The following FAM153A variants were observed in gnomAD, a reference collection of about 807,000 sequenced individuals.
The protein encoded by FAM153A is protein FAM153A.
FAM153A carries 12 observed loss-of-function variants against 48.1 expected under a neutral mutation model. The ratio of observed to expected loss-of-function variants is 0.25; its 90% CI spans 0.16 to 0.40. FAM153A has a LOEUF of 0.40. Ranked by LOEUF, FAM153A falls within the 10% of genes least tolerant of loss-of-function variation. The pLI is 1.00. For missense variants in FAM153A, 111 were observed against 345.8 expected (o/e 0.32, Z 5.38); for synonymous variants, 36 against 118.2 (o/e 0.30, Z 4.51).
intron 1 of FAM153A, among the ~76,000 whole-genome samples, chr5:177,759,027 G>A (rs1406397559): frequency 6.6e-6 from 1 of 151,800 alleles, no homozygotes; most frequent in East Asian, 1.9e-4. Flanking sequence ...TACCATCAGA[G>A]TGAACAGGGA....
intron 1 of FAM153A, among the ~76,000 whole-genome samples, chr5:177,759,896 A>G (rs1276223962): frequency 5.9e-5 from 9 of 151,792 alleles, no homozygotes; most frequent in African/African-American, 1.9e-4. Flanking sequence ...TGGCACATGT[A>G]TACATATGTA....
intron 10 of FAM153A, among the ~76,000 whole-genome samples, chr5:177,737,488 C>T (rs1448756965): frequency 6.6e-6 from 1 of 151,084 alleles, no homozygotes; most frequent in East Asian, 1.9e-4. Context: ...TCCACATGTC[C>T]TGCTGCTGTG....
chr5:177,705,758 C>G (rs1757829762), downstream of FAM153A, among the ~76,000 whole-genome samples: 1 of 141,752 alleles, frequency 7.1e-6, no homozygotes, highest in Non-Finnish European at 1.5e-5. Context: ...TTCCTGGGTT[C>G]AAGCCATTCT....
chr5:177,717,101 TA>T (rs1441489675), intron 24 of FAM153A: 1 of 148,902 alleles, frequency 6.7e-6, no homozygotes, highest in Non-Finnish European at 1.5e-5. Flanking sequence ...AAAGAAATTA[TA>T]TTTTAAAAGT....
upstream of FAM153A, among the ~76,000 whole-genome samples, chr5:177,755,613 C>T (rs888900902): frequency 6.6e-6 from 1 of 151,756 alleles, no homozygotes; most frequent in African/African-American, 2.4e-5. Context: ...CAAAGGGAAG[C>T]CCATCAGACT....
chr5:177,736,363 C>T (rs1716807034), intron 12 of FAM153A, among the ~76,000 whole-genome samples: 1 of 148,922 alleles, frequency 6.7e-6, no homozygotes, highest in South Asian at 2.1e-4. Context: ...ATGTACCACC[C>T]CACCTTAGAT....
At chr5:177,752,967 G>A (rs1341800165) in intron 1 of FAM153A, among the ~76,000 whole-genome samples, 2 of 145,850 alleles carry the variant, frequency 1.4e-5, no homozygotes, top group African/African-American at 5.2e-5. Context: ...TGGAAACAGT[G>A]TATTTTCTAG....
chr5:177,750,833 TTGTC>T, intron 2 of FAM153A: 1 of 542,450 alleles, frequency 1.8e-6, no homozygotes, highest in Non-Finnish European at 3.1e-6. Flanking sequence ...AATTTTATAA[TTGTC>T]TGAAATATGA....
chr5:177,728,949 G>T (rs554868199), intron 18 of FAM153A, 74 bp downstream of exon 20: 1 of 474,526 alleles, frequency 2.1e-6, no homozygotes, highest in Admixed American at 3.9e-5. Flanking sequence ...TTGAGCAAAA[G>T]CAGGTGAAGC....
chr5:177,712,407 G>C (rs2127554725), exon 27 of FAM153A: 1 of 151,888 alleles, frequency 6.6e-6, no homozygotes, highest in South Asian at 2.1e-4. Context: ...AGGAGGCGGA[G>C]GTTGCAGTGA....
intron 1 of FAM153A, among the ~76,000 whole-genome samples, chr5:177,780,245 T>A (rs1268105210): frequency 2.0e-5 from 1 of 49,620 alleles, no homozygotes; most frequent in Non-Finnish European, 4.0e-5. Context: ...ACTACCTTCT[T>A]AAATAACTCT....
chr5:177,707,433 T>C (rs1561846661), downstream of FAM153A, among the ~76,000 whole-genome samples: 1 of 151,668 alleles, frequency 6.6e-6, no homozygotes, highest in Non-Finnish European at 1.5e-5. Context: ...CAAAAACATT[T>C]CTTGGAAAAA....
At chr5:177,728,711 GCATGTGACACCACAC>G (rs1327294335) in intron 18 of FAM153A, among the ~76,000 whole-genome samples, 142 of 151,074 alleles carry the variant, frequency 9.4e-4, no homozygotes, top group Non-Finnish European at 1.6e-3. Context: ...GGGATTGCAG[GCATGTGACACCACAC>G]CCAGGTAATT....
chr5:177,702,511 A>G, the FAM153A span, among the ~76,000 whole-genome samples: 4 of 152,092 alleles, frequency 2.6e-5, no homozygotes, highest in Non-Finnish European at 5.9e-5. Flanking sequence ...GAATTCAAGC[A>G]GGCTGCAGAA....
exon 27 of FAM153A, chr5:177,711,293 A>T (rs1424569205): frequency 6.6e-6 from 1 of 151,874 alleles, no homozygotes; most frequent in Admixed American, 6.6e-5. Context: ...TAACCACCAC[A>T]ACAATAAGAA....
intron 4 of FAM153A, among the ~76,000 whole-genome samples, chr5:177,746,159 C>T (rs1390586628): frequency 6.6e-6 from 1 of 151,494 alleles, no homozygotes. Flanking sequence ...GCATGTCCAT[C>T]CGAGGACTGG....
downstream of FAM153A, chr5:177,706,858 T>C (rs1282914898): frequency 6.6e-6 from 1 of 151,844 alleles, no homozygotes; most frequent in African/African-American, 2.4e-5. Flanking sequence ...TCAATGAAGA[T>C]GATAAGAAAT....
At chr5:177,725,654 A>T (rs1354698995) in intron 18 of FAM153A, among the ~76,000 whole-genome samples, 1 of 151,262 alleles carries the variant, frequency 6.6e-6, no homozygotes, top group Admixed American at 6.5e-5. Context: ...TCTGGGCCTG[A>T]CTGGAGTGTG....
chr5:177,702,306 G>A, the FAM153A span, among the ~76,000 whole-genome samples: 3 of 151,806 alleles, frequency 2.0e-5, no homozygotes, highest in Admixed American at 2.0e-4. Flanking sequence ...TGAGAGTGAT[G>A]ATTTAGGCTA....
Sources: allele counts gnomAD v4.1 joint callset (sites outside exome capture counted in the v4.1 genomes callset), GRCh38; gene constraint gnomAD v4.1.1; transcripts MANE v1.5; gene names NCBI Gene and HGNC (gene_info 2026-07-23, HGNC 2026-07-21).